INSRR: variants seen among roughly 807,000 people sequenced by gnomAD.
INSRR encodes insulin receptor related receptor.
In INSRR, 114 loss-of-function variants were observed where a neutral mutation model predicts 130.0. The ratio of observed to expected loss-of-function variants is 0.88; its 90% CI spans 0.75 to 1.02. The LOEUF (loss-of-function observed/expected upper bound fraction) is 1.02, where lower values mean the gene tolerates loss of function less well. Ranked by LOEUF, INSRR falls within the 50% of genes least tolerant of loss-of-function variation. INSRR has a pLI of 0.00. For synonymous variants in INSRR, 674 were observed against 705.2 expected (o/e 0.96, Z 0.70); for missense variants, 1,657 against 1,735.2 (o/e 0.95, Z 0.80).
Position 156,841,423 on chromosome 1 carries a change from C to T in INSRR, c.3633G>A (p.Leu1211=), listed in dbSNP as rs1654776400. 2 of 1,613,832 alleles carry T rather than the reference C, an allele frequency of 1.2e-6. No homozygotes were observed. Among genetic ancestry groups the T allele is most frequent in the South Asian group, 2.2e-5 (2 of 91,074 alleles). The change falls in exon 21 of 22, where the codon CTG becomes CTA. Residue 1211 remains leucine (L), a synonymous_variant. Transcript: ENST00000368195. ...GAAGGGGACAGCCCTCCAGCTCCTC[C>T]AGGACCCCGCCATCCATGACGAACT... The part of the protein sequence containing the change: ...VLKFVMDGGV[L]EELEGCPLQL...
At position 156,844,842 on chromosome 1, in the gene INSRR, T is replaced by A. The variant is rs199789223; in HGVS notation, c.2439A>T (p.Arg813Ser). 6.2e-7 allele frequency: 1 copy of A among 1,613,948 alleles called. No individual in the cohort carries two copies. The highest frequency in any genetic ancestry group is 2.2e-5 in the East Asian group (1 of 44,850). Residue 813 changes from arginine (R) to serine (S), a missense_variant and splice_region_variant, in exon 13 of 22, where the codon AGA becomes AGT. By Grantham distance (110) the Arg-to-Ser change is moderately radical. Transcript: ENST00000368195. The part of the protein sequence containing the change: ...TFVFARTMPH[R>S]EADGIPGKVA... ...CCTTTCCTGGAATACCATCAGCCTC[T>A]CCTGCGGGAAGGGGCATCCAGCAGC...
rs11590051 is a variant in INSRR, at chr1:156,848,855, T to G, written c.1571+66A>C. 2.6e-6 allele frequency: 4 copies of G among 1,520,216 alleles called. No individual in the cohort carries two copies. In the Admixed American group the frequency reaches 8.1e-5, roughly 31 times the overall value. 94.2% of individuals were successfully genotyped at this position (1,520,216 alleles called of 1,614,324 possible). A position where few individuals can be genotyped will look rare whatever the true frequency, so the allele number is the denominator to read the frequency against. The stretch of plus-strand genomic sequence containing the variant: ...TCGCTGAGCTCCGCCCTCACCTGCC[T>G]GTGGTCCCGAAGAAATTGGCCTCGT... On this transcript the variant is annotated intron_variant, in intron 7 of 21. Coordinates refer to ENST00000368195, the MANE Select transcript of INSRR (RefSeq NM_014215.3).
At chr1:156,845,049 T>A (rs1233651474) in intron 12 of INSRR, 27 bp downstream of exon 12, 2 of 1,586,102 alleles carry the variant, frequency 1.3e-6, no homozygotes, top group Non-Finnish European at 1.7e-6. Context: ...GTGATGGGGG[T>A]AGAAGGTGTG....
rs764095956 is a variant in INSRR at position 156,849,030 on chromosome 1, G to T, written c.1462C>A (p.Arg488Ser). ...GCCTCCGTCACGTTGGACACGAAGC[G>T]CAGGGTGCGAGTCTGGCCTGGGTGG... Reference protein sequence around the residue: ...DRAACQTRTLRFVSNVTEADR... With the variant: ...DRAACQTRTLSFVSNVTEADR... The change falls in exon 7 of 22, where the codon CGC becomes AGC. Residue 488 changes from arginine (R) to serine (S), a missense_variant. Physicochemically the swap from Arg to Ser is moderately radical, Grantham distance 110 (BLOSUM62 -1). Coordinates refer to ENST00000368195, the MANE Select transcript of INSRR (RefSeq NM_014215.3). 4 of 1,613,420 alleles carry T rather than the reference G, an allele frequency of 2.5e-6. No homozygotes were observed. Among genetic ancestry groups the T allele is most frequent in the South Asian group, 1.1e-5 (1 of 91,004 alleles).
chr1:156,840,868 G>A lies in INSRR; in HGVS notation c.*5C>T, dbSNP rs55637794. The A allele has an allele frequency of 3.1e-6, 5 of 1,605,022 alleles. No homozygotes were observed. The Admixed American group carries it at 5.0e-5, about 16-fold the overall frequency. On this transcript the variant is annotated 3_prime_UTR_variant, in exon 22 of 22. Transcript: ENST00000368195. The stretch of plus-strand genomic sequence containing the variant: ...TGGGAGGCCAGCCAGGGAATGAGGT[G>A]CCCCTCAGTGCCCTGGACCCCCATT...
intron 18 of INSRR, 27 bp from the exon 19 acceptor site, chr1:156,842,298 G>A: frequency 6.2e-7 from 1 of 1,613,784 alleles, no homozygotes; most frequent in Non-Finnish European, 8.5e-7. Flanking sequence ...GGGCTGGTGA[G>A]GAAGGAACCC....
At position 156,846,210 on chromosome 1, in the gene INSRR, C is replaced by T. The variant is rs550517546; in HGVS notation, c.1811-91G>A. On this transcript the variant is annotated intron_variant, in intron 8 of 21. Coordinates refer to ENST00000368195, the MANE Select transcript of INSRR (RefSeq NM_014215.3). ...AGCCCTCCTTTCTGGGGTCCAACAG[C>T]CTTGTTCTCCCAAAGAATAGGTGAT... The T allele has an allele frequency of 6.9e-6, 9 of 1,313,218 alleles. No individual in the cohort carries two copies. The East Asian group carries it at 1.2e-4, about 17-fold the overall frequency. The allele number at this position is 1,313,218 out of a possible 1,614,324, so 81.3% of individuals were successfully genotyped here.
intron 9 of INSRR, 49 bp downstream of exon 9, chr1:156,845,903 C>A: frequency 6.2e-7 from 1 of 1,600,174 alleles, no homozygotes; most frequent in Non-Finnish European, 8.5e-7. Context: ...GCCTCCATCT[C>A]CCCTTCCCCA....
chr1:156,854,262 G>A lies in INSRR; in HGVS notation c.127C>T (p.Arg43Cys), dbSNP rs140386495. Residue 43 changes from arginine to cysteine, a missense_variant, in exon 2 of 22, where the codon CGT becomes TGT. Arg to Cys is a radical substitution (Grantham distance 180). Coordinates refer to ENST00000368195, the MANE Select transcript of INSRR (RefSeq NM_014215.3). The surrounding 1 kb of genome is among the most constrained non-coding windows in gnomAD (Gnocchi z 4.2). ...LDIRSEVAEL[R>C]QLENCSVVEG... ...ACCACGCTGCAGTTCTCCAGCTGAC[G>A]AAGCTCTGCCACCTCTGAGCGAATA... 368 of 1,613,348 alleles carry A rather than the reference G, an allele frequency of 2.3e-4. No homozygotes were observed. Among genetic ancestry groups the A allele is most frequent in the Non-Finnish European group, 2.8e-4 (328 of 1,179,952 alleles).
At position 156,851,639 on chromosome 1, in the gene INSRR, T is replaced by C. The variant is rs1168177902; in HGVS notation, c.1084+7A>G. The C allele has an allele frequency of 1.2e-6, 2 of 1,614,048 alleles. No individual in the cohort carries two copies. Among genetic ancestry groups the C allele is most frequent in the Admixed American group, 1.7e-5 (1 of 60,024 alleles). Reference sequence around the variant, plus strand: ...AGGAGGGGTGTGGCCCCAAAGTAGGTACTGACAGCCCTGGCGAAGGTTGAG... The same window carrying C: ...AGGAGGGGTGTGGCCCCAAAGTAGGCACTGACAGCCCTGGCGAAGGTTGAG... On this transcript the variant is annotated splice_region_variant and intron_variant, in intron 4 of 21. Transcript: ENST00000368195.
Position 156,840,934 on chromosome 1 carries a change from T to A in INSRR, c.3833A>T (p.Glu1278Val). Reference sequence around the variant, plus strand: ...TCTTGGAGTGGGTGAGGAGTCAGGCTCTGCATCGGTGGTAGGCAGGGAGCC... The same window carrying A: ...TCTTGGAGTGGGTGAGGAGTCAGGCACTGCATCGGTGGTAGGCAGGGAGCC... ...ARGSLPTTDA[E>V]PDSSPTPRDC... Residue 1278 changes from glutamate to valine, a missense_variant, in exon 22 of 22, where the codon GAG (glutamate) becomes GTG (valine). Glu to Val is a moderately radical substitution (Grantham distance 121, BLOSUM62 -2). Coordinates refer to ENST00000368195, the MANE Select transcript of INSRR (RefSeq NM_014215.3). The A allele has an allele frequency of 1.9e-6, 3 of 1,614,058 alleles. No homozygotes were observed. The highest frequency in any genetic ancestry group is 2.5e-6 in the Non-Finnish European group (3 of 1,179,980).
Position 156,840,979 on chromosome 1 carries a change from G to C in INSRR, c.3788C>G (p.Pro1263Arg), listed in dbSNP as rs755584536. 5 of 1,613,572 alleles carry C rather than the reference G, an allele frequency of 3.1e-6. No homozygotes were observed. The highest frequency in any genetic ancestry group is 2.2e-5 in the East Asian group (1 of 44,866). The change falls in exon 22 of 22, where the codon CCG becomes CGG. Residue 1263 changes from proline to arginine, a missense_variant. Coordinates refer to ENST00000368195, the MANE Select transcript of INSRR (RefSeq NM_014215.3). ...GGAGCCCCGGGCCCCCCGGCATTCC[G>C]GGCTGTAGTAGAAGGAGAGGAGGCG... ...SFRLLSFYYS[P>R]ECRGARGSLP...
chr1:156,851,400 C>T lies in INSRR; in HGVS notation c.1119G>A (p.Gly373=), dbSNP rs748575028. ...NLEPQLQHSL[G]LVETITGFLK... ...GGAAGCCAGTAATGGTTTCTACCAG[C>T]CCCAGGCTGTGCTGCAGCTGTGGCT... The change falls in exon 5 of 22, where the codon GGG becomes GGA. Residue 373 remains glycine (G), a synonymous_variant. Transcript: ENST00000368195. 2.5e-6 allele frequency: 4 copies of T among 1,614,028 alleles called. No homozygotes were observed. The African/African-American group carries it at 4.0e-5, about 16-fold the overall frequency.
chr1:156,850,788 C>T (rs1414965776), intron 5 of INSRR, among the ~76,000 whole-genome samples: 1 of 151,250 alleles, frequency 6.6e-6, no homozygotes, highest in Non-Finnish European at 1.5e-5. Context: ...AATTCCTGAC[C>T]TCAAGTGATC....
Position 156,840,738 on chromosome 1 carries a change from T to TCCTGTTCTCTGCC in INSRR, c.*122_*134dup, listed in dbSNP as rs1480850713. 4 of 700,290 alleles carry TCCTGTTCTCTGCC rather than the reference T, an allele frequency of 5.7e-6. No individual in the cohort carries two copies. Among genetic ancestry groups the TCCTGTTCTCTGCC allele is most frequent in the Non-Finnish European group, 1.0e-5 (4 of 399,378 alleles). The allele number at this position is 700,290 out of a possible 1,614,324, so 43.4% of individuals were successfully genotyped here. A position where few individuals can be genotyped will look rare whatever the true frequency, so the allele number is the denominator to read the frequency against. ...TGCCCACCCCCACAGCCTTCCCTGCTCCTGTTCTCTGCCCCACCCTCGGCC... is the reference window on the plus strand; with the variant it reads ...TGCCCACCCCCACAGCCTTCCCTGCTCCTGTTCTCTGCCCCTGTTCTCTGCCCCACCCTCGGCC... On this transcript the variant is annotated 3_prime_UTR_variant, in exon 22 of 22. Transcript: ENST00000368195.
chr1:156,841,332 G>T (rs1190849923), intron 21 of INSRR, 62 bp downstream of exon 21: 21 of 1,512,280 alleles, frequency 1.4e-5, no homozygotes, highest in Non-Finnish European at 1.9e-5. Flanking sequence ...GAATCATGGG[G>T]CCGGGTGGGG....
At position 156,843,013 on chromosome 1, in the gene INSRR, ACACTTGAAG is replaced by A. The variant is rs1654856465; in HGVS notation, c.3108_3116del (p.Phe1037_Cys1039del). 6.2e-7 allele frequency: 1 copy of A among 1,612,500 alleles called. No individual in the cohort carries two copies. The highest frequency in any genetic ancestry group is 1.3e-5 in the African/African-American group (1 of 74,878). ...CTTGGCTCTCCCTTACCACATGGTG[ACACTTGAAG>A]GCTTTCATGACAGAAGCTTCCTTGA... On this transcript the variant is annotated inframe_deletion, in exon 17 of 22. Coordinates refer to ENST00000368195, the MANE Select transcript of INSRR (RefSeq NM_014215.3).
chr1:156,846,455 C>A lies in INSRR; in HGVS notation c.1810+64G>T. ...GCCCCGGCTTCTCTATTTCTGGTGCCTGTGCTCCCCTGTTCTCATGGATGC... is the reference window on the plus strand; with the variant it reads ...GCCCCGGCTTCTCTATTTCTGGTGCATGTGCTCCCCTGTTCTCATGGATGC... On this transcript the variant is annotated intron_variant, in intron 8 of 21. Coordinates refer to ENST00000368195, the MANE Select transcript of INSRR (RefSeq NM_014215.3). 3 of 1,325,962 alleles carry A rather than the reference C, an allele frequency of 2.3e-6. No homozygotes were observed. In the South Asian group the frequency reaches 3.7e-5, roughly 16 times the overall value. The allele number at this position is 1,325,962 out of a possible 1,614,324, so 82.1% of individuals were successfully genotyped here.
In INSRR at chr1:156,854,527, C is replaced by G. The variant is rs1387754678; in HGVS notation, c.86-224G>C. Among the ~76,000 whole-genome samples the G allele has an allele frequency of 6.6e-6, 1 of 152,140 alleles. No individual in the cohort carries two copies. On this transcript the variant is annotated intron_variant, in intron 1 of 21. Transcript: ENST00000368195. The surrounding 1 kb of genome is among the most constrained non-coding windows in gnomAD (Gnocchi z 4.2). ...ACACAGGCAAAAATGAACTCCTGATCCTCTCTCCCAAGCCCATCTCCCCTT... is the reference window on the plus strand; with the variant it reads ...ACACAGGCAAAAATGAACTCCTGATGCTCTCTCCCAAGCCCATCTCCCCTT...
Sources: allele counts gnomAD v4.1 joint callset (sites outside exome capture counted in the v4.1 genomes callset), GRCh38; gene constraint gnomAD v4.1.1; non-coding constraint Gnocchi (gnomAD v3.1); transcripts MANE v1.5; gene names NCBI Gene and HGNC (gene_info 2026-07-23, HGNC 2026-07-21).